The following GRIP1 variants were observed in gnomAD, a reference collection of about 807,000 sequenced individuals.
GRIP1 encodes glutamate receptor-interacting protein 1.
GRIP1 carries 45 observed loss-of-function variants against 129.9 expected under a neutral mutation model. The ratio of observed to expected loss-of-function variants is 0.35; its 90% confidence interval spans 0.27 to 0.44. The LOEUF is 0.44. GRIP1 is among the 20% of genes least tolerant of loss of function. GRIP1 has a pLI of 1.00. For synonymous variants in GRIP1, 530 were observed against 520.8 expected (o/e 1.02, Z -0.24); for missense variants, 1,196 against 1,396.8 (o/e 0.86, Z 2.29).
rs145845505 is a variant in GRIP1 at position 66,697,898 on chromosome 12, C to T, written c.-419-67562G>A. Reference sequence around the variant, plus strand: ...GCAAATCAAGACCCCCTCAACAAAGCGAAGTGCAACAAGAATAAAAGCTTA... The same window carrying T: ...GCAAATCAAGACCCCCTCAACAAAGTGAAGTGCAACAAGAATAAAAGCTTA... On this transcript the variant is annotated intron_variant, in intron 1 of 4. Coordinates refer to the GRIP1 transcript ENST00000538373. Among the ~76,000 whole-genome samples, 451 of 150,678 alleles carry T rather than the reference C, an allele frequency of 3.0e-3. 2 individuals are homozygous for T. Among genetic ancestry groups the T allele is most frequent in the African/African-American group, 0.01 (424 of 40,960 alleles).
intron 1 of GRIP1, among the ~76,000 whole-genome samples, chr12:66,955,998 A>G (rs999565260): frequency 2.6e-5 from 4 of 152,240 alleles, no homozygotes; most frequent in African/African-American, 9.6e-5. Flanking sequence ...TACAAGAGTT[A>G]GTTGTGCAGA....
chr12:67,036,610 C>T (rs950227293), intron 1 of GRIP1, among the ~76,000 whole-genome samples: 1 of 152,064 alleles, frequency 6.6e-6, no homozygotes, highest in African/African-American at 2.4e-5. Context: ...GGATTACAGG[C>T]GTGAGCCACC....
At chr12:66,659,601 G>A (rs891841619) in intron 1 of GRIP1, among the ~76,000 whole-genome samples, 1 of 152,176 alleles carries the variant, frequency 6.6e-6, no homozygotes, top group African/African-American at 2.4e-5. Flanking sequence ...ACATGTACCA[G>A]TCTCTGTATT....
At chr12:66,750,089 T>C (rs1402676993) in intron 1 of GRIP1, among the ~76,000 whole-genome samples, 3 of 152,164 alleles carry the variant, frequency 2.0e-5, no homozygotes, top group Admixed American at 2.0e-4. Context: ...CACCATAGGA[T>C]GTGTTCACAC....
chr12:66,979,232 A>ACAAAC (rs748756368), intron 1 of GRIP1, among the ~76,000 whole-genome samples: 84 of 129,466 alleles, frequency 6.5e-4, no homozygotes, highest in African/African-American at 1.2e-3. Flanking sequence ...TAAAAAAAAA[A>ACAAAC]AAAAAAAAAA....
intron 1 of GRIP1, among the ~76,000 whole-genome samples, chr12:67,033,019 A>C (rs1375566443): frequency 6.6e-6 from 1 of 152,088 alleles, no homozygotes; most frequent in Non-Finnish European, 1.5e-5. Flanking sequence ...ATGTCAGTTC[A>C]AACTAGTCAC....
Position 66,379,409 on chromosome 12 carries a change from T to C in GRIP1, c.2492A>G (p.Asn831Ser). 6.2e-7 allele frequency: 1 copy of C among 1,614,176 alleles called. No individual in the cohort carries two copies. The highest frequency in any genetic ancestry group is 8.5e-7 in the Non-Finnish European group (1 of 1,180,014). ...QGTSFQASGY[N>S]FNTYDWRSPK... ...ACTCCTCCAGTCATAGGTGTTGAAA[T>C]TGTATCCTGAGGCCTGAAAACTAGT... The change falls in exon 20 of 25, where the codon AAT (asparagine) becomes AGT (serine). Residue 831 changes from asparagine to serine, a missense_variant. Transcript: ENST00000359742.
chr12:66,350,858 T>C (rs1200651241), intron 24 of GRIP1, among the ~76,000 whole-genome samples: 2 of 152,228 alleles, frequency 1.3e-5, no homozygotes, highest in Non-Finnish European at 2.9e-5. Context: ...AATTATATCA[T>C]TATCCTGCTT....
chr12:66,546,872 TA>T (rs2061964250), intron 2 of GRIP1, among the ~76,000 whole-genome samples: 1 of 70,996 alleles, frequency 1.4e-5, no homozygotes, highest in East Asian at 5.6e-4. Context: ...AGACTTGACA[TA>T]AGCATGATCC....
intron 14 of GRIP1, among the ~76,000 whole-genome samples, chr12:66,430,530 C>A (rs1209355849): frequency 6.6e-6 from 1 of 152,056 alleles, no homozygotes; most frequent in Non-Finnish European, 1.5e-5. Flanking sequence ...AACAAAACAC[C>A]ATCATAAAGC....
At chr12:66,619,932 G>T (rs943011452) in intron 1 of GRIP1, among the ~76,000 whole-genome samples, 1 of 152,152 alleles carries the variant, frequency 6.6e-6, no homozygotes, top group Non-Finnish European at 1.5e-5. Flanking sequence ...TGAACTTACT[G>T]CCTCTTAAAA....
rs2054094012 is a variant in GRIP1 at position 66,348,859 on chromosome 12, G to C, written c.*160C>G. ...AAAAGAAACCTCTTCAACTTGAAAA[G>C]GGAAGTGAACATGAGCCATGAGAGA... On this transcript the variant is annotated 3_prime_UTR_variant, in exon 25 of 25. Transcript: ENST00000359742. The C allele has an allele frequency of 1.4e-6, 1 of 694,024 alleles. No individual in the cohort carries two copies. Among genetic ancestry groups the C allele is most frequent in the Admixed American group, 2.3e-5 (1 of 44,096 alleles). 43.0% of individuals were successfully genotyped at this position (694,024 alleles called of 1,614,324 possible). A position where few individuals can be genotyped will look rare whatever the true frequency, so the allele number is the denominator to read the frequency against.
At chr12:66,674,020 G>T (rs1486257617) in intron 1 of GRIP1, among the ~76,000 whole-genome samples, 6 of 152,174 alleles carry the variant, frequency 3.9e-5, no homozygotes, top group African/African-American at 1.4e-4. Context: ...TTGCAGGTGA[G>T]ATTTGGAAAG....
rs542522094 is a variant in GRIP1 at position 66,796,566 on chromosome 12, T to A, written c.-420+7487A>T. Among the ~76,000 whole-genome samples, 24 of 152,192 alleles carry A rather than the reference T, an allele frequency of 1.6e-4. No individual in the cohort carries two copies. In the South Asian group the frequency reaches 4.8e-3, roughly 30 times the overall value. On this transcript the variant is annotated intron_variant, in intron 1 of 4. Coordinates refer to the GRIP1 transcript ENST00000538373. ...CCTTCTCAACACCTCCACCACTCCA[T>A]CCCAAAACTTTGATCTGGTTTTCTT... is the stretch of plus-strand genomic sequence containing the variant.
intron 1 of GRIP1, among the ~76,000 whole-genome samples, chr12:66,903,845 T>C (rs1403578889): frequency 1.3e-5 from 2 of 152,154 alleles, no homozygotes; most frequent in South Asian, 2.1e-4. Flanking sequence ...CACTTAAGAA[T>C]AGGGTTTATG....
At chr12:67,036,541 G>A (rs967998578) in intron 1 of GRIP1, among the ~76,000 whole-genome samples, 1 of 151,966 alleles carries the variant, frequency 6.6e-6, no homozygotes, top group African/African-American at 2.4e-5. Context: ...ATGTTGGCCA[G>A]GCTGGCTTCG....
intron 15 of GRIP1, among the ~76,000 whole-genome samples, chr12:66,415,750 T>C (rs1203786177): frequency 6.6e-6 from 1 of 152,152 alleles, no homozygotes; most frequent in Non-Finnish European, 1.5e-5. Flanking sequence ...TAAAAAGGAA[T>C]GAGATCATGT....
chr12:66,583,054 C>T (rs1259197357), intron 2 of GRIP1, among the ~76,000 whole-genome samples: 1 of 151,196 alleles, frequency 6.6e-6, no homozygotes, highest in South Asian at 2.1e-4. Context: ...GGTACCAAAA[C>T]AGAGATATAG....
At chr12:66,934,323 A>G (rs1334093055) in intron 1 of GRIP1, among the ~76,000 whole-genome samples, 1 of 152,192 alleles carries the variant, frequency 6.6e-6, no homozygotes, top group Non-Finnish European at 1.5e-5. Flanking sequence ...TAAACACTTT[A>G]GTTCAGACAT....
Sources: gnomAD v4.1 joint callset for allele counts (sites outside exome capture counted in the v4.1 genomes callset) on GRCh38, gnomAD v4.1.1 for gene constraint, MANE v1.5 for transcripts, NCBI Gene and HGNC (gene_info 2026-07-23, HGNC 2026-07-21) for gene names.